Variants in TMTC1 observed in about 807,000 individuals in gnomAD.
TMTC1 encodes protein O-mannosyl-transferase TMTC1.
A neutral mutation model predicts 104.8 loss-of-function variants in TMTC1; 73 were observed. The ratio of observed to expected loss-of-function variants is 0.70; its 90% CI spans 0.58 to 0.85. TMTC1 has a LOEUF of 0.85. Among genes scored for constraint, TMTC1 ranks in the 40% least tolerant of loss-of-function variants. The pLI is 0.00. For synonymous variants in TMTC1, 434 were observed against 428.7 expected, an observed-to-expected ratio of 1.01 and a Z score of -0.15; for missense variants, 1,035 against 1,096.1, an observed-to-expected ratio of 0.94 and a Z score of 0.79.
At chr12:29,639,015 GA>G (rs1473777415) in intron 5 of TMTC1, among the ~76,000 whole-genome samples, 1 of 152,144 alleles carries the variant, frequency 6.6e-6, no homozygotes, top group Admixed American at 6.5e-5. Context: ...ACCTTCTCCA[GA>G]ACTATCCAAA....
Position 29,518,546 on chromosome 12 carries a change from G to A in TMTC1, c.1950C>T (p.His650=), listed in dbSNP as rs140996401. The A allele has an allele frequency of 1.7e-5, 28 of 1,614,000 alleles. No individual in the cohort carries two copies. The highest frequency in any genetic ancestry group is 1.6e-5 in the Non-Finnish European group (19 of 1,180,000). The part of the protein sequence containing the change: ...QQAIKLSPSH[H]VAMVNLGRLY... Reference sequence around the variant, plus strand: ...GTCTTCCCAAGTTCACCATGGCCACGTGATGACTGGGGCTAAGTTTGATGG... The same window carrying A: ...GTCTTCCCAAGTTCACCATGGCCACATGATGACTGGGGCTAAGTTTGATGG... The change falls in exon 13 of 18, where the codon CAC becomes CAT. Residue 650 remains histidine (H), a synonymous_variant. Coordinates refer to ENST00000539277, the MANE Select transcript of TMTC1 (RefSeq NM_001193451.2).
chr12:29,604,932 CAAAG>C (rs1197677206), intron 6 of TMTC1, among the ~76,000 whole-genome samples: 1 of 152,016 alleles, frequency 6.6e-6, no homozygotes, highest in Non-Finnish European at 1.5e-5. Flanking sequence ...ATTAAATTGA[CAAAG>C]AACCTCCTCT....
chr12:29,551,172 T>C (rs1351545212), intron 10 of TMTC1, among the ~76,000 whole-genome samples: 1 of 152,086 alleles, frequency 6.6e-6, no homozygotes, highest in Non-Finnish European at 1.5e-5. Flanking sequence ...ACTAATGTGG[T>C]AGTAAGGGTG....
intron 5 of TMTC1, among the ~76,000 whole-genome samples, chr12:29,671,996 TCTC>T (rs1406313516): frequency 6.6e-6 from 1 of 152,072 alleles, no homozygotes; most frequent in Non-Finnish European, 1.5e-5. Context: ...TAGGCAGCCC[TCTC>T]CTCCTGTATA....
intron 5 of TMTC1, among the ~76,000 whole-genome samples, chr12:29,727,609 C>T (rs1448152462): frequency 6.6e-6 from 1 of 152,100 alleles, no homozygotes; most frequent in Non-Finnish European, 1.5e-5. Flanking sequence ...ATCTCCTGAC[C>T]TCGTGATCTG....
chr12:29,515,574 A>G (rs1362345843), intron 15 of TMTC1, among the ~76,000 whole-genome samples: 10 of 151,882 alleles, frequency 6.6e-5, no homozygotes, highest in Admixed American at 6.6e-4. Flanking sequence ...CCTCACCTCC[A>G]CATCACTTTA....
At position 29,657,518 on chromosome 12, in the gene TMTC1, A is replaced by G. The variant is rs537186034; in HGVS notation, c.939-24182T>C. 1.2e-4 allele frequency among the ~76,000 whole-genome samples: 19 copies of G among 152,378 alleles called. No individual in the cohort carries two copies. In the South Asian group the frequency reaches 3.9e-3, roughly 32 times the overall value. On this transcript the variant is annotated intron_variant, in intron 5 of 17. Coordinates refer to ENST00000539277, the MANE Select transcript of TMTC1 (RefSeq NM_001193451.2). ...TACAGGTTCTACACTGCTGAGAAGA[A>G]GTAAGCCAACACCAGAAGTTGGATA...
chr12:29,635,878 A>C (rs2136519002), intron 5 of TMTC1, among the ~76,000 whole-genome samples: 2 of 152,328 alleles, frequency 1.3e-5, no homozygotes, highest in South Asian at 4.1e-4. Flanking sequence ...GGCATTTGCA[A>C]ATTAAAAGAA....
At chr12:29,716,482 C>T (rs1256018698) in intron 5 of TMTC1, among the ~76,000 whole-genome samples, 1 of 152,066 alleles carries the variant, frequency 6.6e-6, no homozygotes, top group Admixed American at 6.6e-5. Context: ...AACATTAATA[C>T]TGTTTTAATA....
chr12:29,572,566 G>A (rs1486820275), intron 8 of TMTC1, among the ~76,000 whole-genome samples: 1 of 152,016 alleles, frequency 6.6e-6, no homozygotes, highest in Non-Finnish European at 1.5e-5. Flanking sequence ...CTTTTTTTTG[G>A]GAGCATAGGA....
intron 5 of TMTC1, among the ~76,000 whole-genome samples, chr12:29,733,827 C>T (rs1942606094): frequency 1.3e-5 from 2 of 152,192 alleles, no homozygotes; most frequent in South Asian, 4.2e-4. Flanking sequence ...CTCTTTTCTT[C>T]ACCTGTTTCA....
At chr12:29,596,065 G>A (rs569899186) in intron 7 of TMTC1, among the ~76,000 whole-genome samples, 2 of 151,770 alleles carry the variant, frequency 1.3e-5, no homozygotes, top group African/African-American at 4.8e-5. Context: ...GGAGTGCAGT[G>A]GCATCATCTC....
At chr12:29,658,619 T>G (rs1425274533) in intron 5 of TMTC1, 4 of 204,528 alleles carry the variant, frequency 2.0e-5, no homozygotes, top group Admixed American at 1.7e-4. Flanking sequence ...CTCCTCCAGT[T>G]TTGCCACGGA....
At chr12:29,675,792 C>T (rs1940706928) in intron 5 of TMTC1, among the ~76,000 whole-genome samples, 1 of 152,154 alleles carries the variant, frequency 6.6e-6, no homozygotes, top group Admixed American at 6.5e-5. Flanking sequence ...ATCTTTTCAT[C>T]TAACTTGGAT....
At chr12:29,656,406 C>T (rs1006888628) in intron 5 of TMTC1, among the ~76,000 whole-genome samples, 1 of 145,446 alleles carries the variant, frequency 6.9e-6, no homozygotes, top group African/African-American at 2.6e-5. Context: ...GTCACCCAGG[C>T]TGGAGTGGTG....
At chr12:29,554,604 C>T (rs1945189778) in intron 10 of TMTC1, among the ~76,000 whole-genome samples, 1 of 152,192 alleles carries the variant, frequency 6.6e-6, no homozygotes. Context: ...CACAGTGTCT[C>T]ATGCCTATAA....
intron 11 of TMTC1, among the ~76,000 whole-genome samples, chr12:29,527,778 T>C (rs1230257028): frequency 6.6e-6 from 1 of 152,212 alleles, no homozygotes; most frequent in African/African-American, 2.4e-5. Flanking sequence ...TCCTCCAAAA[T>C]AGGCAAAGAG....
chr12:29,767,781 C>G (rs1943501974), intron 2 of TMTC1, 117 bp downstream of exon 2: 5 of 949,728 alleles, frequency 5.3e-6, no homozygotes, highest in South Asian at 3.9e-5. Context: ...TATATACACA[C>G]ACATATCTAC....
intron 6 of TMTC1, among the ~76,000 whole-genome samples, chr12:29,612,389 G>T (rs768708096): frequency 3.3e-5 from 5 of 152,058 alleles, no homozygotes; most frequent in Non-Finnish European, 5.9e-5. Context: ...GTTTGAAATG[G>T]TTCATCCATT....
Sources: allele counts gnomAD v4.1 joint callset (sites outside exome capture counted in the v4.1 genomes callset), GRCh38; gene constraint gnomAD v4.1.1; transcripts MANE v1.5; gene names NCBI Gene and HGNC (gene_info 2026-07-23, HGNC 2026-07-21).